HACD1: variants seen among roughly 807,000 people sequenced by gnomAD.
HACD1 encodes very-long-chain (3R)-3-hydroxyacyl-CoA dehydratase 1.
Under a neutral mutation model 32.0 loss-of-function variants are expected in HACD1, and 41 were observed. That is an observed-to-expected ratio of 1.28 (90% confidence interval 1.00 to 1.66). The LOEUF (loss-of-function observed/expected upper bound fraction) is 1.66, where lower values mean the gene tolerates loss of function less well. Among genes scored for constraint, HACD1 ranks in the 40% most tolerant of loss-of-function variants. The pLI, the probability that HACD1 is intolerant of heterozygous loss-of-function variation, is 0.00. For missense variants in HACD1, 396 were observed against 380.1 expected, an observed-to-expected ratio of 1.04 and a Z score of -0.35; for synonymous variants, 142 against 139.0, an observed-to-expected ratio of 1.02 and a Z score of -0.15.
chr10:17,594,050 C>G (rs1395345081), intron 6 of HACD1, among the ~76,000 whole-genome samples, 155 bp downstream of exon 6: 2 of 152,194 alleles, frequency 1.3e-5, no homozygotes, highest in Non-Finnish European at 2.9e-5. Context: ...TCTCCCTTCA[C>G]TTTTCCCAAA....
intron 5 of HACD1, 39 bp downstream of exon 5, chr10:17,599,251 C>T (rs1477363029): frequency 6.2e-7 from 1 of 1,607,052 alleles, no homozygotes; most frequent in Non-Finnish European, 8.5e-7. Flanking sequence ...AATAAGCATG[C>T]ACAGGACAAG....
chr10:17,616,349 T>C (rs1833084069), intron 1 of HACD1, among the ~76,000 whole-genome samples: 1 of 152,214 alleles, frequency 6.6e-6, no homozygotes, highest in Admixed American at 6.5e-5. Context: ...CTTCGAGTGA[T>C]AATGGGAAAA....
intron 6 of HACD1, among the ~76,000 whole-genome samples, chr10:17,591,282 T>C (rs1554815560): frequency 6.6e-6 from 1 of 152,098 alleles, no homozygotes. Context: ...TACTGATACA[T>C]GGTTAACCCT....
At chr10:17,606,768 T>C (rs552814163) in intron 1 of HACD1, among the ~76,000 whole-genome samples, 5 of 152,360 alleles carry the variant, frequency 3.3e-5, no homozygotes, top group Admixed American at 3.3e-4. Context: ...CACAAGGACC[T>C]TTGAAATGCA....
Position 17,590,264 on chromosome 10 carries a change from A to G in HACD1, c.*100T>C, listed in dbSNP as rs556349039. 56 of 806,256 alleles carry G rather than the reference A, an allele frequency of 6.9e-5. 1 individual carries two copies. The highest frequency in any genetic ancestry group is 6.9e-4 in the African/African-American group (39 of 56,840). 49.9% of individuals were successfully genotyped at this position (806,256 alleles called of 1,614,324 possible). ...CAAGTTATATTTTAAGAAACCATAC[A>G]ATCCATGATATTTCACAAAGTTGTT... On this transcript the variant is annotated 3_prime_UTR_variant, in exon 7 of 7. Transcript: ENST00000361271.
Position 17,603,729 on chromosome 10 carries a change from T to G in HACD1, c.391A>C (p.Ile131Leu). 2 of 1,600,124 alleles carry G rather than the reference T, an allele frequency of 1.2e-6. No homozygotes were observed. Among genetic ancestry groups the G allele is most frequent in the Non-Finnish European group, 1.7e-6 (2 of 1,168,038 alleles). The change falls in exon 3 of 7, where the codon ATT becomes CTT. Residue 131 changes from isoleucine (I) to leucine (L), a missense_variant. Coordinates refer to ENST00000361271, the MANE Select transcript of HACD1 (RefSeq NM_014241.4). ...TAAAATTGAAGCAAAAACTCACCAA[T>G]TAAACAGTGAACTATCTGTAAGCAA... The part of the protein sequence containing the change: ...FALLEIVHCL[I>L]GIVPTSVIVT...
rs76364550 is a variant in HACD1, at chr10:17,609,482, C to T, written c.258-5435G>A. On this transcript the variant is annotated intron_variant, in intron 1 of 6. Transcript: ENST00000361271. ...ATGGGCAAAAGATTTGAACAGATAC[C>T]CAAGAAGATATATGATTGGCAAGTG... is the stretch of plus-strand genomic sequence containing the variant. 7.3e-3 allele frequency among the ~76,000 whole-genome samples: 1,111 copies of T among 151,968 alleles called. 18 individuals are homozygous for T. The highest frequency in any genetic ancestry group is 0.026 in the African/African-American group (1,060 of 41,430).
rs782432832 is a variant in HACD1, at chr10:17,599,431, C to G, written c.484-20G>C. 6.2e-7 allele frequency: 1 copy of G among 1,608,782 alleles called. No individual in the cohort carries two copies. The highest frequency in any genetic ancestry group is 1.1e-5 in the South Asian group (1 of 90,450). On this transcript the variant is annotated intron_variant, in intron 4 of 6. Transcript: ENST00000361271. ...CTGGATCTGCAGAATTACAGAGAAACCCAGTGTCATTCAACCTAGAACTTA... is the reference window on the plus strand; with the variant it reads ...CTGGATCTGCAGAATTACAGAGAAAGCCAGTGTCATTCAACCTAGAACTTA...
intron 1 of HACD1, among the ~76,000 whole-genome samples, chr10:17,607,227 A>C (rs115708018): frequency 0.013 from 1,986 of 152,238 alleles, 57 homozygotes; most frequent in African/African-American, 0.044. Context: ...GAGTAAGTTC[A>C]TGACTGAGTC....
chr10:17,590,465 C>A lies in HACD1; in HGVS notation c.785-19G>T. The A allele has an allele frequency of 6.6e-7, 1 of 1,516,080 alleles. No individual in the cohort carries two copies. Among genetic ancestry groups the A allele is most frequent in the Non-Finnish European group, 9.0e-7 (1 of 1,110,162 alleles). 93.9% of individuals were successfully genotyped at this position (1,516,080 alleles called of 1,614,324 possible). On this transcript the variant is annotated intron_variant, in intron 6 of 6. Coordinates refer to ENST00000361271, the MANE Select transcript of HACD1 (RefSeq NM_014241.4). ...GGAAACACTTCATTGAAAAAGAAAACAAAGAAAAACAAGCTATTGCTTTAA... is the reference window on the plus strand; with the variant it reads ...GGAAACACTTCATTGAAAAAGAAAAAAAAGAAAAACAAGCTATTGCTTTAA...
intron 5 of HACD1, 64 bp from the exon 6 acceptor site, chr10:17,594,447 G>A (rs577148245): frequency 5.7e-6 from 7 of 1,235,530 alleles, no homozygotes; most frequent in South Asian, 5.5e-5. Flanking sequence ...TACATTGCAG[G>A]TCTATTGCTA....
At chr10:17,610,410 A>C (rs1157115718) in intron 1 of HACD1, among the ~76,000 whole-genome samples, 2 of 152,198 alleles carry the variant, frequency 1.3e-5, no homozygotes, top group African/African-American at 4.8e-5. Context: ...GGATTTTGGG[A>C]GGCCAAGGTG....
At chr10:17,604,737 G>A (rs1308549199) in intron 1 of HACD1, among the ~76,000 whole-genome samples, 4 of 151,984 alleles carry the variant, frequency 2.6e-5, no homozygotes, top group African/African-American at 4.8e-5. Flanking sequence ...ACAGGGTCTC[G>A]CTCTGTCACC....
intron 1 of HACD1, among the ~76,000 whole-genome samples, chr10:17,605,402 G>T (rs1554816958): frequency 6.6e-6 from 1 of 151,722 alleles, no homozygotes; most frequent in Non-Finnish European, 1.5e-5. Context: ...GCGCACACCT[G>T]TAGTCCCAGC....
intron 1 of HACD1, among the ~76,000 whole-genome samples, chr10:17,613,503 G>A (rs1175338248): frequency 6.6e-6 from 1 of 152,098 alleles, no homozygotes; most frequent in African/African-American, 2.4e-5. Flanking sequence ...TGCATATCAT[G>A]CCTATTTCCA....
chr10:17,602,970 C>T (rs117088450), intron 4 of HACD1: 1 of 152,178 alleles, frequency 6.6e-6, no homozygotes, highest in Non-Finnish European at 1.5e-5. Flanking sequence ...TCAATGCAAC[C>T]TTTGCCTCTC....
At chr10:17,596,176 A>T (rs1244605639) in intron 5 of HACD1, among the ~76,000 whole-genome samples, 1 of 152,176 alleles carries the variant, frequency 6.6e-6, no homozygotes, top group Non-Finnish European at 1.5e-5. Flanking sequence ...TAAAAATTGC[A>T]TTATTCCTGT....
intron 1 of HACD1, among the ~76,000 whole-genome samples, chr10:17,608,052 G>A (rs572933450): frequency 4.6e-5 from 7 of 151,860 alleles, no homozygotes; most frequent in South Asian, 2.1e-4. Flanking sequence ...GCTCTGTCCC[G>A]CAGGCTGGAG....
At chr10:17,590,468 A>T in intron 6 of HACD1, 22 bp from the exon 7 acceptor site, 1 of 1,518,584 alleles carries the variant, frequency 6.6e-7, no homozygotes, top group African/African-American at 1.4e-5. Context: ...AAGAAAACAA[A>T]GAAAAACAAG....
Sources: allele counts gnomAD v4.1 joint callset (sites outside exome capture counted in the v4.1 genomes callset), GRCh38; gene constraint gnomAD v4.1.1; transcripts MANE v1.5; gene names NCBI Gene and HGNC (gene_info 2026-07-23, HGNC 2026-07-21).